Variants in ITGB2 observed in about 807,000 individuals in gnomAD.
The protein encoded by ITGB2 is integrin beta-2.
ITGB2 carries 56 observed loss-of-function variants against 86.8 expected under a neutral mutation model. The observed-to-expected ratio is 0.65, with a 90% CI of 0.52 to 0.81. The LOEUF is 0.81. ITGB2 is among the 30% of genes least tolerant of loss of function. The pLI, the probability that ITGB2 is intolerant of heterozygous loss-of-function variation, is 0.00. For synonymous variants in ITGB2, 457 were observed against 450.4 expected, an observed-to-expected ratio of 1.01 and a Z score of -0.19; for missense variants, 948 against 1,061.2, an observed-to-expected ratio of 0.89 and a Z score of 1.48.
chr21:44,907,136 C>T (rs1019946589), intron 3 of ITGB2, 41 bp from the exon 4 acceptor site: 85 of 1,481,076 alleles, frequency 5.7e-5, no homozygotes, highest in Admixed American at 8.8e-5. Flanking sequence ...GGCCACACTG[C>T]GGGACCTGCA....
In ITGB2 at chr21:44,899,005, G is replaced by A. The variant is rs147143199; in HGVS notation, c.993+62C>T. Reference sequence around the variant, plus strand: ...GCGCTCAGACCTGCAGTGGCGCTGGGTCTGGCCTGTGGCTGAAACATGCCC... The same window carrying A: ...GCGCTCAGACCTGCAGTGGCGCTGGATCTGGCCTGTGGCTGAAACATGCCC... On this transcript the variant is annotated intron_variant, in intron 8 of 15. Transcript: ENST00000652462. 87 of 1,340,638 alleles carry A rather than the reference G, an allele frequency of 6.5e-5. No homozygotes were observed. The African/African-American group carries it at 8.8e-4, about 14-fold the overall frequency. 83.0% of individuals were successfully genotyped at this position (1,340,638 alleles called of 1,614,324 possible).
At chr21:44,921,927 T>C (rs930133569), upstream of ITGB2, among the ~76,000 whole-genome samples, 2 of 152,198 alleles carry the variant, frequency 1.3e-5, no homozygotes, top group African/African-American at 4.8e-5. Flanking sequence ...TTTCACTATG[T>C]TGACCAGGCT....
At chr21:44,912,642 T>C (rs534784485) in intron 1 of ITGB2, among the ~76,000 whole-genome samples, 110 of 152,276 alleles carry the variant, frequency 7.2e-4, no homozygotes, top group African/African-American at 2.5e-3. Flanking sequence ...TCTCTGATCG[T>C]TGGGGGTTGT....
At position 44,900,306 on chromosome 21, in the gene ITGB2, G is replaced by T. The variant is rs374471192; in HGVS notation, c.897+14C>A. 1.1e-4 allele frequency: 184 copies of T among 1,614,066 alleles called. No individual in the cohort carries two copies. The highest frequency in any genetic ancestry group is 2.7e-4 in the Admixed American group (16 of 60,008). ...CTGCCAGGCGGTGCCTGGGTGCCTGGGGTGGGGACTTACGAATTCGTTGCT... is the reference window on the plus strand; with the variant it reads ...CTGCCAGGCGGTGCCTGGGTGCCTGTGGTGGGGACTTACGAATTCGTTGCT... On this transcript the variant is annotated intron_variant, in intron 7 of 15. Coordinates refer to ENST00000652462, the MANE Select transcript of ITGB2 (RefSeq NM_000211.5).
chr21:44,918,973 C>A, intron 1 of ITGB2, among the ~76,000 whole-genome samples: 1 of 152,176 alleles, frequency 6.6e-6, no homozygotes, highest in African/African-American at 2.4e-5. Flanking sequence ...TGAGCGTCCC[C>A]TCTCCCAGCA....
At chr21:44,909,816 A>T (rs897563969) in intron 3 of ITGB2, among the ~76,000 whole-genome samples, 14 of 152,354 alleles carry the variant, frequency 9.2e-5, no homozygotes, top group African/African-American at 3.4e-4. Context: ...ATCAAAGTAC[A>T]TTTCCTCTTG....
At chr21:44,910,221 G>A (rs2084108604) in intron 3 of ITGB2, 63 bp downstream of exon 3, 1 of 1,585,246 alleles carries the variant, frequency 6.3e-7, no homozygotes, top group African/African-American at 1.3e-5. Context: ...ACTGGCTTCA[G>A]GGGCAGGAAA....
intron 6 of ITGB2, among the ~76,000 whole-genome samples, chr21:44,900,885 G>A (rs147133583): frequency 2.0e-5 from 3 of 152,208 alleles, no homozygotes; most frequent in Non-Finnish European, 4.4e-5. Flanking sequence ...GTCCACCATT[G>A]ACAGCCCCTG....
intron 12 of ITGB2, 110 bp from the exon 13 acceptor site, chr21:44,889,605 G>T (rs1032082872): frequency 7.6e-6 from 8 of 1,053,796 alleles, no homozygotes; most frequent in Non-Finnish European, 9.9e-6. Flanking sequence ...TCCAGCCTGG[G>T]GGATGTTCCT....
chr21:44,900,250 C>A, intron 7 of ITGB2, 70 bp downstream of exon 7: 3 of 1,594,404 alleles, frequency 1.9e-6, no homozygotes, highest in Non-Finnish European at 2.6e-6. Flanking sequence ...CAGGTGGAGA[C>A]CCCACCCTTG....
chr21:44,901,492 C>G lies in ITGB2; in HGVS notation c.741G>C (p.Pro247=). ...ACCCAAGCAGGGGCAGCGGCCTCAC[C>G]GGGCAGGCGGCGACCTGCATCATGG... is the stretch of plus-strand genomic sequence containing the variant. ...LDAMMQVAAC[P]EEIGWRNVTR... is the part of the protein sequence containing the mutation. Residue 247 remains proline (P), a splice_region_variant and synonymous_variant, in exon 6 of 16, where the codon CCG becomes CCC. Coordinates refer to ENST00000652462, the MANE Select transcript of ITGB2 (RefSeq NM_000211.5). 2.5e-6 allele frequency: 4 copies of G among 1,613,880 alleles called. No individual in the cohort carries two copies. The highest frequency in any genetic ancestry group is 3.4e-6 in the Non-Finnish European group (4 of 1,179,950).
At position 44,899,104 on chromosome 21, in the gene ITGB2, A is replaced by G. The variant is rs1601299390; in HGVS notation, c.956T>C (p.Ile319Thr). Residue 319 changes from isoleucine (I) to threonine (T), a missense_variant, in exon 8 of 16, where the codon ATC becomes ACC. Ile to Thr is a moderately conservative substitution (Grantham distance 89). Coordinates refer to ENST00000652462, the MANE Select transcript of ITGB2 (RefSeq NM_000211.5). The part of the protein sequence containing the change: ...HKLAENNIQP[I>T]FAVTSRMVKT... ...CACCATCCTACTGGTCACCGCGAAG[A>G]TGGGCTGGATGTTGTTTTCAGCCAG... 4 of 1,614,026 alleles carry G rather than the reference A, an allele frequency of 2.5e-6. No homozygotes were observed. Among genetic ancestry groups the G allele is most frequent in the Non-Finnish European group, 3.4e-6 (4 of 1,179,994 alleles).
intron 1 of ITGB2, among the ~76,000 whole-genome samples, chr21:44,916,915 A>G (rs76117537): frequency 0.013 from 2,041 of 152,002 alleles, 41 homozygotes; most frequent in African/African-American, 0.047. Flanking sequence ...AAGAAGACAG[A>G]CTCTAAAAAT....
chr21:44,903,535 C>A lies in ITGB2; in HGVS notation c.329G>T (p.Gly110Val), dbSNP rs1225992532. Residue 110 changes from glycine to valine, a missense_variant and splice_region_variant, in exon 5 of 16, where the codon GGC becomes GTC. Transcript: ENST00000652462. ...PQKVTLYLRP[G>V]QAAAFNVTFR... ...GGTCACGTTGAACGCTGCTGCCTGG[C>A]CTGCCGGTGGGGACAGAACAAAAGG... 6.2e-7 allele frequency: 1 copy of A among 1,613,960 alleles called. No individual in the cohort carries two copies. Among genetic ancestry groups the A allele is most frequent in the Non-Finnish European group, 8.5e-7 (1 of 1,179,932 alleles).
intron 5 of ITGB2, among the ~76,000 whole-genome samples, chr21:44,902,372 C>T (rs187817204): frequency 1.6e-4 from 24 of 151,690 alleles, no homozygotes; most frequent in South Asian, 6.2e-4. Flanking sequence ...TGTGTGTGAG[C>T]GTGCATTCAC....
intron 14 of ITGB2, among the ~76,000 whole-genome samples, chr21:44,888,213 C>T (rs989867968): frequency 1.3e-4 from 20 of 152,210 alleles, no homozygotes; most frequent in African/African-American, 3.9e-4. Context: ...TGGAGCCGAA[C>T]GAGTGATGGG....
chr21:44,893,812 C>T (rs897062891), intron 9 of ITGB2: 2 of 463,428 alleles, frequency 4.3e-6, no homozygotes, highest in Non-Finnish European at 8.2e-6. Flanking sequence ...GCTCCTCAGC[C>T]TTGAGTCCCC....
At chr21:44,898,460 C>G (rs1293193468) in intron 8 of ITGB2, among the ~76,000 whole-genome samples, 1 of 152,222 alleles carries the variant, frequency 6.6e-6, no homozygotes, top group Non-Finnish European at 1.5e-5. Flanking sequence ...TTCCTGAGCT[C>G]TGCAAGTCCT....
chr21:44,891,742 C>T (rs1178199564), intron 11 of ITGB2, 67 bp downstream of exon 11: 15 of 1,567,098 alleles, frequency 9.6e-6, no homozygotes, highest in Admixed American at 1.7e-5. Flanking sequence ...ACCCACCTCA[C>T]CTGCCGACAC....
Sources: allele counts gnomAD v4.1 joint callset (sites outside exome capture counted in the v4.1 genomes callset), GRCh38; gene constraint gnomAD v4.1.1; transcripts MANE v1.5; gene names NCBI Gene and HGNC (gene_info 2026-07-23, HGNC 2026-07-21).